Variants in ANO1 observed in about 807,000 individuals in gnomAD.
ANO1 encodes the protein anoctamin 1.
A neutral mutation model predicts 124.0 loss-of-function variants in ANO1; 59 were observed. The observed-to-expected ratio is 0.48, with a 90% CI of 0.39 to 0.59. ANO1 has a LOEUF of 0.59. Ranked by LOEUF, ANO1 falls within the 20% of genes least tolerant of loss-of-function variation. ANO1 has a pLI of 0.00. For missense variants in ANO1, 1,059 were observed against 1,328.0 expected, an observed-to-expected ratio of 0.80 and a Z score of 3.15; for synonymous variants, 529 against 532.0, an observed-to-expected ratio of 0.99 and a Z score of 0.08.
chr11:69,975,545 G>T, the ANO1 span, among the ~76,000 whole-genome samples: 1 of 152,240 alleles, frequency 6.6e-6, no homozygotes, highest in Non-Finnish European at 1.5e-5. Context: ...CTTCAGGGGT[G>T]ATTTGGGCTC....
intron 1 of ANO1, among the ~76,000 whole-genome samples, chr11:70,034,875 A>C (rs782231151): frequency 2.6e-5 from 4 of 152,170 alleles, no homozygotes; most frequent in Non-Finnish European, 5.9e-5. Flanking sequence ...AAGCCTGAAC[A>C]GAGCCCAGCA....
Position 70,001,529 on chromosome 11 carries a change from C to T in ANO1, c.58+15363C>T, listed in dbSNP as rs546957421. 2.6e-5 allele frequency among the ~76,000 whole-genome samples: 4 copies of T among 152,230 alleles called. No individual in the cohort carries two copies. In the East Asian group the frequency reaches 5.8e-4, roughly 22 times the overall value. On this transcript the variant is annotated intron_variant, in intron 1 of 27. Transcript: ENST00000531349. ...ACCACCTGCAACTGCTCCCAGCAAC[C>T]ACAGTGACTCTCACAAATCTGACGT...
chr11:70,086,612 G>A (rs936780605), intron 1 of ANO1, among the ~76,000 whole-genome samples: 5 of 152,204 alleles, frequency 3.3e-5, no homozygotes, highest in South Asian at 2.1e-4. Context: ...AGGTGCAAGC[G>A]CAGGGTCATT....
chr11:69,979,177 G>A, the ANO1 span, among the ~76,000 whole-genome samples: 12 of 152,216 alleles, frequency 7.9e-5, no homozygotes, highest in African/African-American at 2.9e-4. Context: ...AGGGTCCGGA[G>A]ACAGATTTTG....
chr11:70,161,742 A>G lies in ANO1; in HGVS notation c.1892+9A>G, dbSNP rs1418112144. 1 of 1,612,906 alleles carries G rather than the reference A, an allele frequency of 6.2e-7. No homozygotes were observed. Among genetic ancestry groups the G allele is most frequent in the East Asian group, 2.2e-5 (1 of 44,888 alleles). ...GCGTTCTTCAAAGGCCGGTAGGGAC[A>G]TCTTCAGCCTTTCCCCAACCTCGCT... On this transcript the variant is annotated intron_variant, in intron 18 of 25. Coordinates refer to ENST00000355303, the MANE Select transcript of ANO1 (RefSeq NM_018043.7).
intron 1 of ANO1, chr11:70,016,296 G>A (rs1856702896): frequency 6.6e-6 from 1 of 152,198 alleles, no homozygotes; most frequent in African/African-American, 2.4e-5. Context: ...AGAGTGCTGG[G>A]ATTACAGGCA....
At chr11:70,181,107 A>G (rs554876356) in intron 23 of ANO1, among the ~76,000 whole-genome samples, 1 of 152,180 alleles carries the variant, frequency 6.6e-6, no homozygotes, top group Non-Finnish European at 1.5e-5. Context: ...CATCCTAGAC[A>G]TGAAAACCCG....
the ANO1 span, among the ~76,000 whole-genome samples, chr11:69,972,773 G>A: frequency 6.6e-6 from 1 of 152,172 alleles, no homozygotes; most frequent in Non-Finnish European, 1.5e-5. Context: ...GCCTCTGCGT[G>A]GTCGAGATGT....
chr11:70,177,096 C>G (rs1409065272), intron 22 of ANO1, among the ~76,000 whole-genome samples: 1 of 152,238 alleles, frequency 6.6e-6, no homozygotes, highest in East Asian at 1.9e-4. Flanking sequence ...CCTCCCATTT[C>G]CTGTTGTCTC....
chr11:70,030,827 C>G (rs893586274), intron 1 of ANO1, among the ~76,000 whole-genome samples: 2 of 152,152 alleles, frequency 1.3e-5, no homozygotes, highest in Non-Finnish European at 2.9e-5. Flanking sequence ...CGATGGCCAC[C>G]CCTCCACCAG....
chr11:69,969,324 G>T, the ANO1 span, among the ~76,000 whole-genome samples: 1 of 152,342 alleles, frequency 6.6e-6, no homozygotes, highest in East Asian at 1.9e-4. Context: ...ACATGATCTG[G>T]TCTGAGGTGT....
intron 1 of ANO1, among the ~76,000 whole-genome samples, chr11:70,073,147 C>A (rs1304654286): frequency 6.6e-6 from 1 of 152,186 alleles, no homozygotes; most frequent in Non-Finnish European, 1.5e-5. Context: ...AGAATTGAAC[C>A]AGTGGCAGGC....
chr11:70,063,487 T>C (rs1857644341), intron 1 of ANO1, among the ~76,000 whole-genome samples: 1 of 152,192 alleles, frequency 6.6e-6, no homozygotes, highest in Non-Finnish European at 1.5e-5. Flanking sequence ...CACAAGGACA[T>C]TGCCCTTTGC....
chr11:70,134,693 G>A (rs746468962), intron 11 of ANO1, among the ~76,000 whole-genome samples: 2 of 152,228 alleles, frequency 1.3e-5, no homozygotes, highest in East Asian at 1.9e-4. Context: ...GGATGTGCAC[G>A]TGCCTGGTGT....
intron 1 of ANO1, among the ~76,000 whole-genome samples, chr11:70,060,094 T>C (rs1388337245): frequency 6.6e-6 from 1 of 151,882 alleles, no homozygotes. Context: ...GAGCCTTTAT[T>C]AGGGAGGCAT....
At chr11:70,096,008 A>T (rs1199025880) in intron 2 of ANO1, among the ~76,000 whole-genome samples, 1 of 152,080 alleles carries the variant, frequency 6.6e-6, no homozygotes, top group African/African-American at 2.4e-5. Context: ...CTGATTTATT[A>T]CCCAGCTCAT....
At chr11:70,093,013 C>G (rs2044694270) in intron 2 of ANO1, among the ~76,000 whole-genome samples, 1 of 151,892 alleles carries the variant, frequency 6.6e-6, no homozygotes, top group African/African-American at 2.4e-5. Context: ...CTCTCTCCCT[C>G]TTGATCTCCC....
chr11:69,972,762 G>T, the ANO1 span, among the ~76,000 whole-genome samples: 7 of 152,110 alleles, frequency 4.6e-5, no homozygotes, highest in South Asian at 4.1e-4. Context: ...CTGCACTCAG[G>T]GCCTCTGCGT....
At chr11:70,010,486 G>T (rs1856582952) in intron 1 of ANO1, among the ~76,000 whole-genome samples, 1 of 151,792 alleles carries the variant, frequency 6.6e-6, no homozygotes, top group African/African-American at 2.4e-5. Context: ...CCTCCCATTA[G>T]ACCCCACCTG....
Sources: gnomAD v4.1 joint callset for allele counts (sites outside exome capture counted in the v4.1 genomes callset) on GRCh38, gnomAD v4.1.1 for gene constraint, MANE v1.5 for transcripts, NCBI Gene and HGNC (gene_info 2026-07-23, HGNC 2026-07-21) for gene names.